ARHGAP24: variants seen among roughly 807,000 people sequenced by gnomAD.
ARHGAP24 encodes rho GTPase-activating protein 24.
Under a neutral mutation model 76.4 loss-of-function variants are expected in ARHGAP24, and 50 were observed. The ratio of observed to expected loss-of-function variants is 0.65; its 90% confidence interval spans 0.52 to 0.83. ARHGAP24 has a LOEUF of 0.83. Among genes scored for constraint, ARHGAP24 ranks in the 40% least tolerant of loss-of-function variants. The pLI is 0.00. For missense variants in ARHGAP24, 930 were observed against 914.2 expected (o/e 1.02, Z -0.22); for synonymous variants, 345 against 323.3 (o/e 1.07, Z -0.72).
intron 8 of ARHGAP24, among the ~76,000 whole-genome samples, chr4:85,981,309 A>G (rs1415030055): frequency 6.6e-6 from 1 of 152,248 alleles, no homozygotes; most frequent in East Asian, 1.9e-4. Context: ...GTTTGTTGCC[A>G]TTGACAGAAT....
Position 85,995,355 on chromosome 4 carries a change from C to T in ARHGAP24, c.1701C>T (p.Asn567=). The change falls in exon 9 of 10, where the codon AAC becomes AAT. Residue 567 remains asparagine, a synonymous_variant. Coordinates refer to ENST00000395184, the MANE Select transcript of ARHGAP24 (RefSeq NM_001025616.3). The part of the protein sequence containing the change: ...TSSCEISLPE[N]SNSCRSSTTT... ...CCTGTGAAATCTCCCTCCCTGAGAA[C>T]TCCAACTCCTGTCGCTCTTCTACCA... 3 of 1,614,110 alleles carry T rather than the reference C, an allele frequency of 1.9e-6. No individual in the cohort carries two copies. The highest frequency in any genetic ancestry group is 1.1e-5 in the South Asian group (1 of 91,080).
chr4:85,968,696 A>T (rs139644715), intron 5 of ARHGAP24, among the ~76,000 whole-genome samples: 1 of 152,150 alleles, frequency 6.6e-6, no homozygotes, highest in Non-Finnish European at 1.5e-5. Context: ...CTGGAAAAAT[A>T]TATTAGATTC....
chr4:85,540,108 T>C (rs1308574463), intron 1 of ARHGAP24, among the ~76,000 whole-genome samples: 1 of 151,902 alleles, frequency 6.6e-6, no homozygotes, highest in African/African-American at 2.4e-5. Context: ...TTATTTTTAC[T>C]AGCATGAGTT....
At chr4:85,575,421 A>C (rs1727331132) in intron 2 of ARHGAP24, among the ~76,000 whole-genome samples, 1 of 152,202 alleles carries the variant, frequency 6.6e-6, no homozygotes, top group Non-Finnish European at 1.5e-5. Flanking sequence ...TATCTTACAA[A>C]TTTCATTGTA....
chr4:85,666,166 A>T (rs1722607072), intron 2 of ARHGAP24, among the ~76,000 whole-genome samples: 1 of 152,090 alleles, frequency 6.6e-6, no homozygotes, highest in South Asian at 2.1e-4. Flanking sequence ...TCAGATGTAG[A>T]TTTGGTCTTT....
intron 3 of ARHGAP24, among the ~76,000 whole-genome samples, chr4:85,798,473 A>G (rs1048369682): frequency 6.6e-6 from 1 of 152,190 alleles, no homozygotes; most frequent in Non-Finnish European, 1.5e-5. Flanking sequence ...TGGTTTCACA[A>G]ATCAATATGT....
At chr4:85,586,112 G>A (rs577580181) in intron 2 of ARHGAP24, among the ~76,000 whole-genome samples, 7 of 152,172 alleles carry the variant, frequency 4.6e-5, no homozygotes, top group Admixed American at 2.0e-4. Flanking sequence ...TCTTGTTATC[G>A]CTCTTTCTTT....
chr4:85,554,227 C>T (rs537704198), intron 1 of ARHGAP24, among the ~76,000 whole-genome samples: 5 of 152,234 alleles, frequency 3.3e-5, no homozygotes, highest in Non-Finnish European at 7.4e-5. Context: ...TCTCTAGCTG[C>T]CTTTAACATT....
intron 8 of ARHGAP24, among the ~76,000 whole-genome samples, chr4:85,989,685 A>G (rs1470600071): frequency 6.6e-6 from 1 of 151,734 alleles, no homozygotes; most frequent in Non-Finnish European, 1.5e-5. Context: ...ATAATAAATC[A>G]GGACCAGTGG....
In ARHGAP24 at chr4:85,685,996, TTGG is replaced by T. The variant is rs368675990; in HGVS notation, c.181-35886_181-35884del. On this transcript the variant is annotated intron_variant, in intron 2 of 9. Coordinates refer to ENST00000395184, the MANE Select transcript of ARHGAP24 (RefSeq NM_001025616.3). ...GAGCTTCACTCACAGGTCTGGCACTTTGGTGCAGGCAGCTGTGCTTGGTCTCAG... is the reference window on the plus strand; with the variant it reads ...GAGCTTCACTCACAGGTCTGGCACTTTGCAGGCAGCTGTGCTTGGTCTCAG... 2.5e-3 allele frequency among the ~76,000 whole-genome samples: 384 copies of T among 152,288 alleles called. 3 individuals carry two copies. Among genetic ancestry groups the T allele is most frequent in the Middle Eastern group, 0.01 (3 of 294 alleles).
At chr4:85,981,860 T>C (rs1739687843) in intron 8 of ARHGAP24, among the ~76,000 whole-genome samples, 1 of 152,096 alleles carries the variant, frequency 6.6e-6, no homozygotes, top group Non-Finnish European at 1.5e-5. Context: ...CCTCCCACTT[T>C]TAGCCGCTCT....
rs1740994662 is a variant in ARHGAP24 at position 86,001,124 on chromosome 4, T to C, written c.*402T>C. The C allele has an allele frequency of 2.9e-5, 11 of 380,860 alleles. No individual in the cohort carries two copies. The highest frequency in any genetic ancestry group is 5.0e-5 in the Non-Finnish European group (11 of 219,710). 23.6% of individuals were successfully genotyped at this position (380,860 alleles called of 1,614,324 possible). On this transcript the variant is annotated 3_prime_UTR_variant, in exon 10 of 10. Transcript: ENST00000395184. ...ATTGTGTTATCATCGGCTTATTTTATAGATCAATATTTTTATTTCCCTTTT... is the reference window on the plus strand; with the variant it reads ...ATTGTGTTATCATCGGCTTATTTTACAGATCAATATTTTTATTTCCCTTTT...
chr4:85,875,058 TTTGTTTTATATATTATA>T (rs1296863411), intron 3 of ARHGAP24, among the ~76,000 whole-genome samples: 1 of 1,774 alleles, frequency 5.6e-4, no homozygotes, highest in African/African-American at 1.3e-3. Flanking sequence ...ATATAATATA[TTTGTTTTATATATTATA>T]TTATATATAA....
chr4:85,554,225 T>C lies in ARHGAP24; in HGVS notation c.-20-16297T>C, dbSNP rs543672380. Among the ~76,000 whole-genome samples, 4 of 152,330 alleles carry C rather than the reference T, an allele frequency of 2.6e-5. No homozygotes were observed. In the South Asian group the frequency reaches 6.2e-4, roughly 24 times the overall value. ...AGGTCACCTATGCCTTCTCTCTAGCTGCCTTTAACATTTTTTCTTTCATTT... is the reference window on the plus strand; with the variant it reads ...AGGTCACCTATGCCTTCTCTCTAGCCGCCTTTAACATTTTTTCTTTCATTT... On this transcript the variant is annotated intron_variant, in intron 1 of 9. Coordinates refer to ENST00000395184, the MANE Select transcript of ARHGAP24 (RefSeq NM_001025616.3).
chr4:85,780,233 G>C (rs1418898222), intron 3 of ARHGAP24, among the ~76,000 whole-genome samples: 4 of 151,628 alleles, frequency 2.6e-5, no homozygotes, highest in Admixed American at 6.6e-5. Context: ...GAGTGCAATG[G>C]CACGCTCTTG....
chr4:85,668,780 T>C (rs530204981), intron 2 of ARHGAP24, among the ~76,000 whole-genome samples: 1 of 152,284 alleles, frequency 6.6e-6, no homozygotes, highest in South Asian at 2.1e-4. Flanking sequence ...CAGAGAACAA[T>C]GAGGGATCAT....
chr4:85,744,880 T>A (rs1038490499), intron 3 of ARHGAP24, among the ~76,000 whole-genome samples: 1 of 152,182 alleles, frequency 6.6e-6, no homozygotes. Context: ...TTCTTAAAGG[T>A]AGTCCAATCA....
intron 2 of ARHGAP24, among the ~76,000 whole-genome samples, chr4:85,702,607 A>T (rs1318994672): frequency 6.6e-6 from 1 of 152,218 alleles, no homozygotes; most frequent in African/African-American, 2.4e-5. Context: ...AATTTGATAA[A>T]CTTTTTTACA....
chr4:85,793,222 G>A lies in ARHGAP24; in HGVS notation c.268+71250G>A, dbSNP rs1728204550. Among the ~76,000 whole-genome samples, 3 of 152,246 alleles carry A rather than the reference G, an allele frequency of 2.0e-5. No individual in the cohort carries two copies. In the South Asian group the frequency reaches 6.2e-4, roughly 32 times the overall value. On this transcript the variant is annotated intron_variant, in intron 3 of 9. Coordinates refer to ENST00000395184, the MANE Select transcript of ARHGAP24 (RefSeq NM_001025616.3). ...TAGTAAGCTTAATGCACATATTTGA[G>A]TCTGAAGTAACTCTAAAATGTATAT...
Sources: allele counts gnomAD v4.1 joint callset (sites outside exome capture counted in the v4.1 genomes callset), GRCh38; gene constraint gnomAD v4.1.1; transcripts MANE v1.5; gene names NCBI Gene and HGNC (gene_info 2026-07-23, HGNC 2026-07-21).